Variants in MTUS2 observed in about 807,000 individuals in gnomAD.
MTUS2 encodes microtubule associated scaffold protein 2, also known as microtubule-associated tumor suppressor candidate 2.
In MTUS2, 40 loss-of-function variants were observed where a neutral mutation model predicts 114.1. That is an observed-to-expected ratio of 0.35 (90% CI 0.27 to 0.46). The LOEUF (loss-of-function observed/expected upper bound fraction) is 0.46. MTUS2 is among the 20% of genes least tolerant of loss of function. The pLI is 1.00. For synonymous variants in MTUS2, 688 were observed against 672.0 expected, an observed-to-expected ratio of 1.02 and a Z score of -0.37; for missense variants, 1,679 against 1,705.4, an observed-to-expected ratio of 0.98 and a Z score of 0.27.
intron 2 of MTUS2, among the ~76,000 whole-genome samples, chr13:28,990,730 C>T (rs1415067251): frequency 6.6e-6 from 1 of 152,154 alleles, no homozygotes. Flanking sequence ...AGCTGGCCAC[C>T]CCAGCCAACA....
intron 2 of MTUS2, among the ~76,000 whole-genome samples, chr13:28,922,823 CT>C (rs532839915): frequency 1.4e-3 from 215 of 152,190 alleles, no homozygotes; most frequent in African/African-American, 4.4e-3. Flanking sequence ...TGTGATAGTG[CT>C]TTTTGTGTGT....
chr13:29,335,939 C>T (rs1901040269), intron 7 of MTUS2, among the ~76,000 whole-genome samples: 1 of 152,150 alleles, frequency 6.6e-6, no homozygotes, highest in Non-Finnish European at 1.5e-5. Context: ...TTAAGTTGAT[C>T]TTCAATCTCT....
At chr13:29,486,499 T>C (rs1881626281) in intron 10 of MTUS2, among the ~76,000 whole-genome samples, 1 of 152,158 alleles carries the variant, frequency 6.6e-6, no homozygotes, top group Non-Finnish European at 1.5e-5. Flanking sequence ...CCCAGAGAAA[T>C]GTGGGAGCCC....
At chr13:29,150,566 G>A (rs1254385434) in intron 5 of MTUS2, among the ~76,000 whole-genome samples, 1 of 152,072 alleles carries the variant, frequency 6.6e-6, no homozygotes, top group Non-Finnish European at 1.5e-5. Context: ...GTCAATTTTT[G>A]TTTTGGTTGT....
At chr13:29,181,204 T>C (rs1456089678) in intron 5 of MTUS2, among the ~76,000 whole-genome samples, 1 of 134,946 alleles carries the variant, frequency 7.4e-6, no homozygotes, top group African/African-American at 2.8e-5. Context: ...GGAACATCTG[T>C]TCCTTAGTAC....
intron 5 of MTUS2, among the ~76,000 whole-genome samples, chr13:29,225,684 C>T (rs774338644): frequency 2.0e-5 from 3 of 152,076 alleles, no homozygotes; most frequent in Non-Finnish European, 4.4e-5. Context: ...ATGTTTTTAC[C>T]AGTTTAGGTA....
At chr13:28,954,319 G>A (rs1430005607) in intron 2 of MTUS2, among the ~76,000 whole-genome samples, 1 of 152,160 alleles carries the variant, frequency 6.6e-6, no homozygotes, top group African/African-American at 2.4e-5. Context: ...CACACCATAA[G>A]TGCTGACAAG....
intron 2 of MTUS2, among the ~76,000 whole-genome samples, chr13:28,858,254 G>C (rs1876758721): frequency 6.6e-6 from 1 of 152,020 alleles, no homozygotes; most frequent in Non-Finnish European, 1.5e-5. Flanking sequence ...CAGATTTTTA[G>C]TTTATGTAAG....
At chr13:29,337,057 A>C (rs975736009) in intron 7 of MTUS2, among the ~76,000 whole-genome samples, 21 of 152,192 alleles carry the variant, frequency 1.4e-4, no homozygotes, top group Non-Finnish European at 1.8e-4. Context: ...ATTTCAAGCC[A>C]GTGGATCTTA....
chr13:28,864,319 G>T (rs974017851), intron 2 of MTUS2, among the ~76,000 whole-genome samples: 1 of 152,158 alleles, frequency 6.6e-6, no homozygotes, highest in African/African-American at 2.4e-5. Flanking sequence ...TAAAAGGAAA[G>T]TGGGATTGTT....
In MTUS2 at chr13:29,483,375, T is replaced by G. The variant is rs1272028851; in HGVS notation, c.3399+3011T>G. On this transcript the variant is annotated intron_variant, in intron 10 of 15. Coordinates refer to ENST00000612955, the MANE Select transcript of MTUS2 (RefSeq NM_001033602.4). ...CGTGACAAAGCCAGCCAGAGCTGCT[T>G]CTTGCTTGGCCCCCCGCCATCTCAC... Among the ~76,000 whole-genome samples, 14 of 152,220 alleles carry G rather than the reference T, an allele frequency of 9.2e-5. 1 individual carries two copies. Among genetic ancestry groups the G allele is most frequent in the Non-Finnish European group, 2.1e-4 (14 of 68,036 alleles).
At chr13:29,060,838 T>G (rs1888383488) in intron 4 of MTUS2, among the ~76,000 whole-genome samples, 1 of 150,438 alleles carries the variant, frequency 6.6e-6, no homozygotes, top group African/African-American at 2.4e-5. Context: ...TCTTGCTGTG[T>G]TGCCCAGACT....
chr13:29,465,663 G>A (rs1220644642), intron 9 of MTUS2, among the ~76,000 whole-genome samples: 2 of 151,860 alleles, frequency 1.3e-5, no homozygotes, highest in African/African-American at 4.8e-5. Context: ...ATTCTTTCTG[G>A]CCTCACGTCC....
chr13:29,208,255 T>A (rs1895277537), intron 5 of MTUS2, among the ~76,000 whole-genome samples: 1 of 152,118 alleles, frequency 6.6e-6, no homozygotes, highest in Non-Finnish European at 1.5e-5. Flanking sequence ...TCTTTTGTAT[T>A]TCTGTGGTAT....
intron 5 of MTUS2, among the ~76,000 whole-genome samples, chr13:29,129,480 ATTG>A (rs1891663001): frequency 6.6e-6 from 1 of 152,134 alleles, no homozygotes; most frequent in Admixed American, 6.5e-5. Context: ...TCTTCATATC[ATTG>A]TTGTTTAAAC....
intron 6 of MTUS2, among the ~76,000 whole-genome samples, chr13:29,284,893 C>T (rs1898413099): frequency 6.6e-6 from 1 of 152,008 alleles, no homozygotes; most frequent in Non-Finnish European, 1.5e-5. Context: ...TCCTAGAGCC[C>T]AGGTTGTGAT....
At chr13:29,099,006 C>G (rs530142549) in intron 4 of MTUS2, among the ~76,000 whole-genome samples, 1 of 152,174 alleles carries the variant, frequency 6.6e-6, no homozygotes, top group Non-Finnish European at 1.5e-5. Context: ...TTTAGCAACT[C>G]TTTTCCTGTT....
intron 5 of MTUS2, among the ~76,000 whole-genome samples, chr13:29,266,761 A>T (rs1897682590): frequency 6.6e-6 from 1 of 152,194 alleles, no homozygotes; most frequent in African/African-American, 2.4e-5. Flanking sequence ...TGGCTATGAT[A>T]GGAAGTGGCC....
At chr13:29,337,771 TTTTG>T (rs202103955) in intron 7 of MTUS2, among the ~76,000 whole-genome samples, 6 of 146,212 alleles carry the variant, frequency 4.1e-5, no homozygotes, top group African/African-American at 1.5e-4. Context: ...CTGGCTAATT[TTTTG>T]TTTGTTTGTT....
Sources: allele counts gnomAD v4.1 joint callset (sites outside exome capture counted in the v4.1 genomes callset), GRCh38; gene constraint gnomAD v4.1.1; transcripts MANE v1.5; gene names NCBI Gene and HGNC (gene_info 2026-07-23, HGNC 2026-07-21).